Variants in CFAP61 observed in about 807,000 individuals in gnomAD.
The protein encoded by CFAP61 is cilia and flagella associated protein 61.
Under a neutral mutation model 135.6 loss-of-function variants are expected in CFAP61, and 107 were observed. That is an observed-to-expected ratio of 0.79 (90% CI 0.67 to 0.93). The LOEUF (loss-of-function observed/expected upper bound fraction) is 0.93, where lower values mean the gene tolerates loss of function less well. CFAP61 is among the 40% of genes least tolerant of loss of function. The pLI is 0.00. For synonymous variants in CFAP61, 575 were observed against 578.5 expected (o/e 0.99, Z 0.09); for missense variants, 1,507 against 1,556.2 (o/e 0.97, Z 0.53).
At chr20:20,123,644 C>G (rs2049841661) in intron 8 of CFAP61, among the ~76,000 whole-genome samples, 1 of 150,570 alleles carries the variant, frequency 6.6e-6, no homozygotes, top group South Asian at 2.1e-4. Flanking sequence ...TTTGGTGACT[C>G]TCATGCTGTT....
chr20:20,192,675 A>G (rs1356234313), intron 15 of CFAP61, among the ~76,000 whole-genome samples: 11 of 152,050 alleles, frequency 7.2e-5, no homozygotes, highest in East Asian at 1.9e-4. Flanking sequence ...CCGCCCTCCA[A>G]TTATCCTAAT....
intron 18 of CFAP61, among the ~76,000 whole-genome samples, chr20:20,242,172 T>C (rs574138875): frequency 6.6e-6 from 1 of 152,366 alleles, no homozygotes; most frequent in Non-Finnish European, 1.5e-5. Context: ...ATTTGGAACA[T>C]TTCCAATCTT....
chr20:20,327,948 G>C (rs1482849052), intron 25 of CFAP61, among the ~76,000 whole-genome samples: 2 of 152,068 alleles, frequency 1.3e-5, no homozygotes, highest in Non-Finnish European at 2.9e-5. Context: ...CATCTGCCCC[G>C]GGTGAGCACC....
chr20:20,100,226 G>A (rs1428018331), intron 8 of CFAP61, among the ~76,000 whole-genome samples: 1 of 151,332 alleles, frequency 6.6e-6, no homozygotes, highest in African/African-American at 2.4e-5. Flanking sequence ...AGGCTGGAGT[G>A]CAATGGTGTG....
intron 10 of CFAP61, among the ~76,000 whole-genome samples, chr20:20,162,282 A>G (rs1397985080): frequency 6.6e-6 from 1 of 152,166 alleles, no homozygotes; most frequent in African/African-American, 2.4e-5. Context: ...ATGTGATGAC[A>G]TCTGCGAAAT....
intron 17 of CFAP61, among the ~76,000 whole-genome samples, chr20:20,220,805 C>A (rs1316411637): frequency 6.6e-6 from 1 of 152,194 alleles, no homozygotes; most frequent in Non-Finnish European, 1.5e-5. Flanking sequence ...TGCCTTCCAT[C>A]ACTTTTGAAT....
intron 25 of CFAP61, among the ~76,000 whole-genome samples, chr20:20,312,613 T>TGGG: frequency 6.6e-6 from 1 of 150,694 alleles, no homozygotes; most frequent in Admixed American, 6.6e-5. Context: ...ATCTCAAGCA[T>TGGG]AAAAAAAAAT....
chr20:20,065,603 T>A (rs1048892839), intron 2 of CFAP61, among the ~76,000 whole-genome samples: 1 of 146,192 alleles, frequency 6.8e-6, no homozygotes, highest in Non-Finnish European at 1.5e-5. Context: ...ATGACTTATT[T>A]TATAGACATT....
intron 6 of CFAP61, among the ~76,000 whole-genome samples, chr20:20,088,309 T>C (rs939695404): frequency 6.6e-6 from 1 of 152,126 alleles, no homozygotes; most frequent in African/African-American, 2.4e-5. Context: ...CTCACACTAC[T>C]ATAAGGACAT....
intron 25 of CFAP61, among the ~76,000 whole-genome samples, chr20:20,310,966 A>G (rs574106036): frequency 2.0e-5 from 3 of 152,314 alleles, no homozygotes; most frequent in African/African-American, 4.8e-5. Context: ...GTTCATGTCC[A>G]TCGTCCACGT....
intron 16 of CFAP61, among the ~76,000 whole-genome samples, chr20:20,197,962 T>C (rs1021293065): frequency 2.6e-5 from 4 of 152,352 alleles, no homozygotes; most frequent in Non-Finnish European, 5.9e-5. Flanking sequence ...ATCTAAAGTG[T>C]GTTAGTACAT....
intron 6 of CFAP61, among the ~76,000 whole-genome samples, chr20:20,080,472 A>G (rs1161890288): frequency 6.6e-6 from 1 of 152,238 alleles, no homozygotes; most frequent in East Asian, 1.9e-4. Context: ...TTTCTATAAA[A>G]AATAATACTG....
chr20:20,164,754 T>C (rs748944941), intron 11 of CFAP61, among the ~76,000 whole-genome samples: 34 of 152,216 alleles, frequency 2.2e-4, no homozygotes, highest in Non-Finnish European at 4.6e-4. Context: ...GTTAGTCTGT[T>C]TTCATGCTGG....
At position 20,314,220 on chromosome 20, in the gene CFAP61, CAAAAA is replaced by C. The variant is rs74180988; in HGVS notation, c.3422+15850_3422+15854del. Among the ~76,000 whole-genome samples the C allele has an allele frequency of 1.4e-4, 13 of 95,412 alleles. No homozygotes were observed. In the East Asian group the frequency reaches 1.7e-3, roughly 12 times the overall value. 62.6% of individuals were successfully genotyped at this position (95,412 alleles called of 152,430 possible). A position where few individuals can be genotyped will look rare whatever the true frequency, so the allele number is the denominator to read the frequency against. The stretch of plus-strand genomic sequence containing the variant: ...GCAACATAGTGAGACCCCATCTCTA[CAAAAA>C]AAAAAAAAAAAAAAATTAGCAGGGT... On this transcript the variant is annotated intron_variant, in intron 25 of 26. Coordinates refer to ENST00000245957, the MANE Select transcript of CFAP61 (RefSeq NM_015585.4).
Position 20,288,920 on chromosome 20 carries a change from G to A in CFAP61, c.3108G>A (p.Lys1036=). 6.2e-6 allele frequency: 10 copies of A among 1,607,670 alleles called. No individual in the cohort carries two copies. Among genetic ancestry groups the A allele is most frequent in the Non-Finnish European group, 7.7e-6 (9 of 1,174,636 alleles). ...TTGACCGGCTCATCCCCATGTACAA[G>A]GGAGCCAAGATTCAAGGTATACGAG... ...ANLDRLIPMY[K]GAKIQGGILP... Residue 1036 remains lysine, a synonymous_variant, in exon 23 of 27, where the codon AAG becomes AAA. Transcript: ENST00000245957.
intron 17 of CFAP61, among the ~76,000 whole-genome samples, chr20:20,219,156 C>A (rs917791516): frequency 6.6e-6 from 1 of 152,162 alleles, no homozygotes; most frequent in Non-Finnish European, 1.5e-5. Flanking sequence ...TATTCCTTCA[C>A]TTTTTTACTG....
intron 19 of CFAP61, among the ~76,000 whole-genome samples, chr20:20,251,099 C>T (rs1285848725): frequency 6.6e-6 from 1 of 152,156 alleles, no homozygotes; most frequent in East Asian, 1.9e-4. Flanking sequence ...CGCTAATTCT[C>T]AGAATGAGTG....
In CFAP61 at chr20:20,341,825, T is replaced by C. The variant is rs753138834; in HGVS notation, c.3423-6T>C. 1 of 1,611,108 alleles carries C rather than the reference T, an allele frequency of 6.2e-7. No individual in the cohort carries two copies. Among genetic ancestry groups the C allele is most frequent in the Non-Finnish European group, 8.5e-7 (1 of 1,177,932 alleles). ...CAGCTCACTGAGTCTCTTCTTTCCT[T>C]ACCAGCTACTTCACCGAGCCGTGGT... On this transcript the variant is annotated splice_region_variant and splice_polypyrimidine_tract_variant and intron_variant, in intron 25 of 26. Coordinates refer to ENST00000245957, the MANE Select transcript of CFAP61 (RefSeq NM_015585.4).
At chr20:20,337,272 GGGTGGATGGATGGATGGATA>G in intron 25 of CFAP61, among the ~76,000 whole-genome samples, 1 of 135,936 alleles carries the variant, frequency 7.4e-6, no homozygotes, top group East Asian at 2.4e-4. Context: ...CAGAATGGGT[GGGTGGATGGATGGATGGATA>G]GATGGATGGA....
Sources: gnomAD v4.1 joint callset for allele counts (sites outside exome capture counted in the v4.1 genomes callset) on GRCh38, gnomAD v4.1.1 for gene constraint, MANE v1.5 for transcripts, NCBI Gene and HGNC (gene_info 2026-07-23, HGNC 2026-07-21) for gene names.